The following FBXO42 variants were observed in gnomAD, a reference collection of about 807,000 sequenced individuals.
FBXO42 encodes F-box only protein 42.
A neutral mutation model predicts 71.7 loss-of-function variants in FBXO42; 12 were observed. The ratio of observed to expected loss-of-function variants is 0.17; its 90% confidence interval spans 0.11 to 0.27. The LOEUF (loss-of-function observed/expected upper bound fraction) is 0.27, where lower values mean the gene tolerates loss of function less well. Among genes scored for constraint, FBXO42 ranks in the 10% least tolerant of loss-of-function variants. FBXO42 has a pLI of 1.00. For synonymous variants in FBXO42, 325 were observed against 327.5 expected (o/e 0.99, Z 0.08); for missense variants, 707 against 911.9 (o/e 0.78, Z 2.89).
chr1:16,318,078 T>C (rs1049269289), intron 1 of FBXO42, among the ~76,000 whole-genome samples: 1 of 152,156 alleles, frequency 6.6e-6, no homozygotes, highest in Non-Finnish European at 1.5e-5. Flanking sequence ...ATGTTTTTTG[T>C]TTGTAAAAAA....
At chr1:16,281,014 T>C (rs958190885) in intron 4 of FBXO42, among the ~76,000 whole-genome samples, 1 of 152,144 alleles carries the variant, frequency 6.6e-6, no homozygotes, top group African/African-American at 2.4e-5. Flanking sequence ...CAGGCTGGAG[T>C]GCAATGACAC....
chr1:16,251,339 C>G lies in FBXO42; in HGVS notation c.1485G>C (p.Leu495=), dbSNP rs755298032. 1 of 1,614,082 alleles carries G rather than the reference C, an allele frequency of 6.2e-7. No homozygotes were observed. Among genetic ancestry groups the G allele is most frequent in the African/African-American group, 1.3e-5 (1 of 74,930 alleles). ...AATTCAGATCTATGGATCCTAATCTCAGATCTTTCTGATCTGGTAGTGATC... is the reference window on the plus strand; with the variant it reads ...AATTCAGATCTATGGATCCTAATCTGAGATCTTTCTGATCTGGTAGTGATC... ...RRGSLPDQKD[L]RLGSIDLNWD... is the part of the protein sequence containing the mutation. Residue 495 remains leucine, a synonymous_variant, in exon 10 of 10, where the codon CTG becomes CTC. Transcript: ENST00000375592. This position sits in a 1 kb window ranked among gnomAD's most constrained non-coding sequence, Gnocchi z 4.5.
intron 1 of FBXO42, among the ~76,000 whole-genome samples, chr1:16,331,544 C>T (rs2082500784): frequency 6.6e-6 from 1 of 151,348 alleles, no homozygotes; most frequent in South Asian, 2.1e-4. Context: ...CACCTGAGCT[C>T]AGGGGTTCGA....
chr1:16,277,766 C>T (rs896647649), intron 4 of FBXO42, among the ~76,000 whole-genome samples: 4 of 151,448 alleles, frequency 2.6e-5, no homozygotes, highest in East Asian at 3.9e-4. Flanking sequence ...CCAGGCTGGG[C>T]GTGGTGGCTC....
intron 1 of FBXO42, among the ~76,000 whole-genome samples, chr1:16,318,738 T>C (rs561930761): frequency 6.6e-6 from 1 of 152,268 alleles, no homozygotes; most frequent in East Asian, 1.9e-4. Context: ...CTGGAAGAAG[T>C]GCAGAAGCAG....
At chr1:16,320,009 TAGAG>T (rs2082398990) in intron 1 of FBXO42, among the ~76,000 whole-genome samples, 1 of 151,714 alleles carries the variant, frequency 6.6e-6, no homozygotes, top group Non-Finnish European at 1.5e-5. Flanking sequence ...ACTGACTCGC[TAGAG>T]GGAGGCCTTT....
chr1:16,338,804 C>CTTTTTTTTTTTTTTTTT (rs71574177), intron 1 of FBXO42, among the ~76,000 whole-genome samples: 4 of 80,960 alleles, frequency 4.9e-5, no homozygotes, highest in Non-Finnish European at 9.0e-5. Context: ...TTCCATTTGT[C>CTTTTTTTTTTTTTTTTT]TTTTTTTTTT....
At chr1:16,281,485 T>C (rs2081963233) in intron 4 of FBXO42, among the ~76,000 whole-genome samples, 1 of 150,632 alleles carries the variant, frequency 6.6e-6, no homozygotes, top group Non-Finnish European at 1.5e-5. Context: ...TTTTTTTTTT[T>C]TTGAGATGGA....
At chr1:16,284,277 C>A (rs60246599) in intron 4 of FBXO42, among the ~76,000 whole-genome samples, 3 of 152,136 alleles carry the variant, frequency 2.0e-5, no homozygotes, top group African/African-American at 7.2e-5. Context: ...AATTATTTTA[C>A]CTGAGTCATA....
At chr1:16,325,280 A>G (rs2082440727) in intron 1 of FBXO42, among the ~76,000 whole-genome samples, 1 of 152,090 alleles carries the variant, frequency 6.6e-6, no homozygotes, top group African/African-American at 2.4e-5. Context: ...AGACAAAACA[A>G]AACTAAACTA....
intron 1 of FBXO42, among the ~76,000 whole-genome samples, chr1:16,333,166 C>G (rs1029895148): frequency 6.6e-6 from 1 of 152,118 alleles, no homozygotes; most frequent in Non-Finnish European, 1.5e-5. Context: ...TCATTTTGTA[C>G]AGTATCTTCA....
At chr1:16,338,690 C>A (rs1329664067) in intron 1 of FBXO42, among the ~76,000 whole-genome samples, 1 of 151,818 alleles carries the variant, frequency 6.6e-6, no homozygotes, top group Non-Finnish European at 1.5e-5. Context: ...TATCAAATCT[C>A]TCGGGTGGCA....
intron 4 of FBXO42, among the ~76,000 whole-genome samples, chr1:16,271,482 T>C (rs57361184): frequency 1.3e-5 from 2 of 152,080 alleles, no homozygotes; most frequent in Admixed American, 6.6e-5. Flanking sequence ...GGTTTCACCA[T>C]GTTGGCCAGG....
chr1:16,325,580 T>C (rs939142278), intron 1 of FBXO42, among the ~76,000 whole-genome samples: 9 of 152,192 alleles, frequency 5.9e-5, no homozygotes, highest in Non-Finnish European at 1.0e-4. Context: ...CCAATTAAGA[T>C]TCCCTTAATA....
chr1:16,321,732 G>A (rs912880600), intron 1 of FBXO42, among the ~76,000 whole-genome samples: 5 of 149,130 alleles, frequency 3.4e-5, no homozygotes, highest in Admixed American at 2.0e-4. Context: ...CTGCTCTGTC[G>A]CCCAGGCTAG....
intron 3 of FBXO42, among the ~76,000 whole-genome samples, chr1:16,305,124 C>CTTG (rs1284452679): frequency 6.6e-6 from 1 of 152,194 alleles, no homozygotes; most frequent in Non-Finnish European, 1.5e-5. Flanking sequence ...GTGGCTCACA[C>CTTG]TTGTAATCCC....
intron 4 of FBXO42, among the ~76,000 whole-genome samples, chr1:16,264,973 T>C (rs565702590): frequency 1.3e-5 from 2 of 152,332 alleles, no homozygotes; most frequent in East Asian, 1.9e-4. Flanking sequence ...TTTCCCACAA[T>C]TGTAGTGTCT....
chr1:16,250,557 AAG>A lies in FBXO42; in HGVS notation c.*111_*112del, dbSNP rs2081580973. 8.0e-7 allele frequency: 1 copy of A among 1,256,888 alleles called. No homozygotes were observed. Among genetic ancestry groups the A allele is most frequent in the Non-Finnish European group, 1.1e-6 (1 of 918,460 alleles). The allele number at this position is 1,256,888 out of a possible 1,614,324, so 77.9% of individuals were successfully genotyped here. A position where few individuals can be genotyped will look rare whatever the true frequency, so the allele number is the denominator to read the frequency against. ...CTGGAGTGACTTCGGTTGGGAATTA[AAG>A]AGTTTTGGCTTCTGGGAGTAATTTT... On this transcript the variant is annotated 3_prime_UTR_variant, in exon 10 of 10. Transcript: ENST00000375592. This position sits in a 1 kb window ranked among gnomAD's most constrained non-coding sequence, Gnocchi z 4.7.
At position 16,305,831 on chromosome 1, in the gene FBXO42, T is replaced by G. The variant is rs767740267; in HGVS notation, c.339A>C (p.Gly113=). Residue 113 remains glycine (G), a synonymous_variant, in exon 3 of 10, where the codon GGA becomes GGC. Coordinates refer to ENST00000375592, the MANE Select transcript of FBXO42 (RefSeq NM_018994.3). ...GCGAGAAGCGCTGAGTGATTGGGGT[T>G]CCAGGATAAGGATAGGTACGGCTCT... ...QWESRTYPYP[G]TPITQRFSHS... is the part of the protein sequence containing the mutation. The G allele has an allele frequency of 1.2e-6, 2 of 1,614,098 alleles. No homozygotes were observed. Among genetic ancestry groups the G allele is most frequent in the Non-Finnish European group, 1.7e-6 (2 of 1,179,976 alleles).
Sources: gnomAD v4.1 joint callset for allele counts (sites outside exome capture counted in the v4.1 genomes callset) on GRCh38, gnomAD v4.1.1 for gene constraint, Gnocchi (gnomAD v3.1) non-coding constraint, MANE v1.5 for transcripts, NCBI Gene and HGNC (gene_info 2026-07-23, HGNC 2026-07-21) for gene names.